PTPRD: variants seen among roughly 807,000 people sequenced by gnomAD.
The protein encoded by PTPRD is receptor-type tyrosine-protein phosphatase delta.
In PTPRD, 34 loss-of-function variants were observed where a neutral mutation model predicts 214.5. The observed-to-expected ratio is 0.16, with a 90% confidence interval of 0.12 to 0.21. The LOEUF (loss-of-function observed/expected upper bound fraction) is 0.21. Ranked by LOEUF, PTPRD falls within the 10% of genes least tolerant of loss-of-function variation. The probability of loss-of-function intolerance (pLI) is 1.00; values close to 1 mark genes in which losing one functional copy is unlikely to be tolerated. For synonymous variants in PTPRD, 1,128 were observed against 845.7 expected, an observed-to-expected ratio of 1.33 and a Z score of -5.79; for missense variants, 2,545 against 2,398.7, an observed-to-expected ratio of 1.06 and a Z score of -1.27.
At chr9:9,689,883 T>C (rs1162059406) in intron 7 of PTPRD, among the ~76,000 whole-genome samples, 2 of 151,880 alleles carry the variant, frequency 1.3e-5, no homozygotes, top group African/African-American at 4.8e-5. Context: ...CATTCATCCA[T>C]TACTAGGCAC....
chr9:8,507,454 G>A lies in PTPRD; in HGVS notation c.1544-20C>T, dbSNP rs2097565272. ...CTGGTACTAAAAACAGGGAGGCAATGGATTGAACTCACAATCACCAGGAGT... is the reference window on the plus strand; with the variant it reads ...CTGGTACTAAAAACAGGGAGGCAATAGATTGAACTCACAATCACCAGGAGT... On this transcript the variant is annotated intron_variant, in intron 21 of 45. Transcript: ENST00000381196. 1 of 1,613,380 alleles carries A rather than the reference G, an allele frequency of 6.2e-7. No homozygotes were observed. Among genetic ancestry groups the A allele is most frequent in the Non-Finnish European group, 8.5e-7 (1 of 1,179,516 alleles).
chr9:8,723,549 C>G (rs1031230383), intron 12 of PTPRD, among the ~76,000 whole-genome samples: 3 of 152,152 alleles, frequency 2.0e-5, no homozygotes, highest in Non-Finnish European at 4.4e-5. Flanking sequence ...TTATTGGAGG[C>G]ACACTGTAGT....
rs144688591 is a variant in PTPRD, at chr9:10,106,469, G to A, written c.-544-72679C>T. On this transcript the variant is annotated intron_variant, in intron 3 of 45. Coordinates refer to ENST00000381196, the MANE Select transcript of PTPRD (RefSeq NM_002839.4). ...TATTGAAATGGTATGCATAAAGAGGGAAAGTATAGTAACACAAAGAAAGAA... is the reference window on the plus strand; with the variant it reads ...TATTGAAATGGTATGCATAAAGAGGAAAAGTATAGTAACACAAAGAAAGAA... 6.7e-4 allele frequency among the ~76,000 whole-genome samples: 102 copies of A among 151,978 alleles called. 1 individual carries two copies. Among genetic ancestry groups the A allele is most frequent in the African/African-American group, 2.4e-3 (100 of 41,496 alleles).
At chr9:8,362,190 A>G (rs2078674755) in intron 39 of PTPRD, among the ~76,000 whole-genome samples, 1 of 152,222 alleles carries the variant, frequency 6.6e-6, no homozygotes, top group Admixed American at 6.5e-5. Context: ...GAAAATATAA[A>G]CACAACAACA....
At chr9:9,643,098 G>C (rs897435082) in intron 7 of PTPRD, among the ~76,000 whole-genome samples, 13 of 152,190 alleles carry the variant, frequency 8.5e-5, no homozygotes, top group African/African-American at 3.1e-4. Context: ...ATTTGAGTTG[G>C]TAGATTATGA....
At chr9:10,026,026 G>A (rs921440396) in intron 4 of PTPRD, among the ~76,000 whole-genome samples, 1 of 152,200 alleles carries the variant, frequency 6.6e-6, no homozygotes, top group African/African-American at 2.4e-5. Flanking sequence ...TCTCAGTAGA[G>A]TTCACCACTT....
intron 2 of PTPRD, among the ~76,000 whole-genome samples, chr9:10,516,979 T>C (rs2134022670): frequency 6.6e-6 from 1 of 152,112 alleles, no homozygotes; most frequent in East Asian, 1.9e-4. Context: ...TGTAGCTTTG[T>C]CATATATTTT....
chr9:9,884,662 C>T (rs1565998818), intron 5 of PTPRD, among the ~76,000 whole-genome samples: 5 of 152,056 alleles, frequency 3.3e-5, no homozygotes, highest in African/African-American at 9.7e-5. Context: ...TTTCCATAAT[C>T]CTCATGTGTC....
At position 8,314,552 on chromosome 9, in the gene PTPRD, C is replaced by T. The variant is rs373535498; in HGVS notation, c.*3322G>A. The stretch of plus-strand genomic sequence containing the variant: ...AAGCTGGGATGGCAAAGCCACATAA[C>T]GGATGGATAGAATGGATCTGTAGCC... On this transcript the variant is annotated 3_prime_UTR_variant, in exon 46 of 46. Coordinates refer to ENST00000381196, the MANE Select transcript of PTPRD (RefSeq NM_002839.4). 2.3e-4 allele frequency: 53 copies of T among 232,058 alleles called. No homozygotes were observed. In the East Asian group the frequency reaches 2.4e-3, roughly 10 times the overall value. 14.4% of individuals were successfully genotyped at this position (232,058 alleles called of 1,614,324 possible).
At chr9:8,987,073 G>A (rs1248697712) in intron 11 of PTPRD, among the ~76,000 whole-genome samples, 2 of 152,098 alleles carry the variant, frequency 1.3e-5, no homozygotes, top group Non-Finnish European at 2.9e-5. Context: ...AGAAGGTTAA[G>A]ACATCACTGG....
intron 10 of PTPRD, among the ~76,000 whole-genome samples, chr9:9,056,326 G>C (rs1316731431): frequency 6.6e-6 from 1 of 152,070 alleles, no homozygotes; most frequent in African/African-American, 2.4e-5. Flanking sequence ...ATCTTAACCT[G>C]CATCCTCAAA....
At chr9:8,962,789 T>C (rs1338779321) in intron 11 of PTPRD, 2 of 152,098 alleles carry the variant, frequency 1.3e-5, no homozygotes, top group African/African-American at 4.8e-5. Flanking sequence ...TCTACATGTA[T>C]TACGTTTTAG....
intron 5 of PTPRD, among the ~76,000 whole-genome samples, chr9:9,905,925 T>C (rs769169988): frequency 2.0e-5 from 3 of 151,922 alleles, no homozygotes; most frequent in Non-Finnish European, 2.9e-5. Context: ...AACAGACTAT[T>C]AAGATAAGGT....
intron 10 of PTPRD, among the ~76,000 whole-genome samples, chr9:9,159,467 C>A (rs191446179): frequency 3.8e-4 from 57 of 151,946 alleles, no homozygotes; most frequent in African/African-American, 1.2e-3. Flanking sequence ...ATAATAGCAA[C>A]AACAACAAAA....
At chr9:9,535,858 A>C (rs1454876400) in intron 8 of PTPRD, among the ~76,000 whole-genome samples, 1 of 152,068 alleles carries the variant, frequency 6.6e-6, no homozygotes, top group Non-Finnish European at 1.5e-5. Flanking sequence ...ACACAGGAGA[A>C]GGAGGTACAG....
At chr9:10,078,141 AACAT>A (rs1321691375) in intron 3 of PTPRD, among the ~76,000 whole-genome samples, 1 of 151,944 alleles carries the variant, frequency 6.6e-6, no homozygotes, top group Non-Finnish European at 1.5e-5. Context: ...AAAATCTTTA[AACAT>A]ACATACATTT....
intron 5 of PTPRD, among the ~76,000 whole-genome samples, chr9:9,918,007 A>G (rs1458239036): frequency 6.6e-6 from 1 of 152,040 alleles, no homozygotes; most frequent in Non-Finnish European, 1.5e-5. Flanking sequence ...AGAACGAGAA[A>G]AGACAACTCT....
At chr9:10,392,865 T>G (rs1478768891) in intron 2 of PTPRD, among the ~76,000 whole-genome samples, 1 of 151,812 alleles carries the variant, frequency 6.6e-6, no homozygotes, top group African/African-American at 2.4e-5. Flanking sequence ...ATAGAAAGAA[T>G]GGAGCAGATT....
At chr9:9,279,629 A>G (rs1445144294) in intron 9 of PTPRD, among the ~76,000 whole-genome samples, 3 of 150,686 alleles carry the variant, frequency 2.0e-5, no homozygotes, top group Non-Finnish European at 4.5e-5. Flanking sequence ...TGTAAAGACC[A>G]TTAAATTTAT....
Sources: gnomAD v4.1 joint callset for allele counts (sites outside exome capture counted in the v4.1 genomes callset) on GRCh38, gnomAD v4.1.1 for gene constraint, MANE v1.5 for transcripts, NCBI Gene and HGNC (gene_info 2026-07-23, HGNC 2026-07-21) for gene names.